Variants in CSMD1 observed in about 807,000 individuals in gnomAD.
CSMD1 encodes CUB and Sushi multiple domains 1.
CSMD1 carries 213 observed loss-of-function variants against 417.5 expected under a neutral mutation model. That is an observed-to-expected ratio of 0.51 (90% CI 0.46 to 0.57). CSMD1 has a LOEUF of 0.57. Ranked by LOEUF, CSMD1 falls within the 20% of genes least tolerant of loss-of-function variation. CSMD1 has a pLI of 0.00. For missense variants in CSMD1, 6,923 were observed against 4,529.7 expected (o/e 1.53, Z -15.17); for synonymous variants, 2,862 against 1,736.8 (o/e 1.65, Z -16.11).
intron 2 of CSMD1, among the ~76,000 whole-genome samples, chr8:4,636,818 C>T (rs1802838683): frequency 6.6e-6 from 1 of 152,136 alleles, no homozygotes; most frequent in South Asian, 2.1e-4. Flanking sequence ...GTGAAGCCAG[C>T]TGGACTTCTT....
chr8:3,030,965 T>C (rs1416611169), intron 50 of CSMD1, among the ~76,000 whole-genome samples: 1 of 152,032 alleles, frequency 6.6e-6, no homozygotes, highest in Non-Finnish European at 1.5e-5. Context: ...GAAGAAAAAT[T>C]GCTAATTTAA....
At chr8:4,044,759 C>CATGT (rs1433765123) in intron 3 of CSMD1, among the ~76,000 whole-genome samples, 4 of 150,030 alleles carry the variant, frequency 2.7e-5, no homozygotes, top group South Asian at 2.1e-4. Context: ...CCACCCTGGC[C>CATGT]ACATAGCACC....
chr8:3,623,338 T>C (rs968413573), intron 7 of CSMD1, among the ~76,000 whole-genome samples: 2 of 152,186 alleles, frequency 1.3e-5, no homozygotes, highest in African/African-American at 4.8e-5. Context: ...AAGTATCAAT[T>C]AAAACTCAAC....
In CSMD1 at chr8:4,068,266, G is replaced by T. The variant is rs1799361926; in HGVS notation, c.416-36167C>A. ...AACCCCTCAAAGGTTGCCCTCCTCG[G>T]AGAGTTGAGAAGTCTACTTTGTAGC... On this transcript the variant is annotated intron_variant, in intron 3 of 69. Coordinates refer to ENST00000635120, the MANE Select transcript of CSMD1 (RefSeq NM_033225.6). Among the ~76,000 whole-genome samples, 6 of 152,096 alleles carry T rather than the reference G, an allele frequency of 3.9e-5. 1 individual carries two copies. The highest frequency in any genetic ancestry group is 2.6e-4 in the Admixed American group (4 of 15,264).
chr8:4,140,540 C>A (rs538173242), intron 3 of CSMD1, among the ~76,000 whole-genome samples: 1 of 150,976 alleles, frequency 6.6e-6, no homozygotes, highest in Non-Finnish European at 1.5e-5. Context: ...TGGTGGTGTG[C>A]ACCTGTAGTC....
chr8:3,204,015 GATT>G (rs1455798048), intron 31 of CSMD1, among the ~76,000 whole-genome samples: 1 of 152,188 alleles, frequency 6.6e-6, no homozygotes, highest in Admixed American at 6.6e-5. Context: ...AATACTGTGA[GATT>G]AATTGTTTAG....
At chr8:3,333,597 G>A (rs560780420) in intron 23 of CSMD1, among the ~76,000 whole-genome samples, 4 of 152,180 alleles carry the variant, frequency 2.6e-5, no homozygotes, top group Non-Finnish European at 5.9e-5. Context: ...AGCATAATAT[G>A]TTTGCCATAA....
At chr8:3,257,814 G>T (rs1409524601) in intron 26 of CSMD1, among the ~76,000 whole-genome samples, 1 of 152,152 alleles carries the variant, frequency 6.6e-6, no homozygotes, top group Non-Finnish European at 1.5e-5. Flanking sequence ...GGTGGGTGGG[G>T]TGAGGGGAGA....
At chr8:4,126,820 G>C (rs565414348) in intron 3 of CSMD1, among the ~76,000 whole-genome samples, 28 of 152,268 alleles carry the variant, frequency 1.8e-4, no homozygotes, top group African/African-American at 6.0e-4. Flanking sequence ...CCTGGGGTAG[G>C]AGATGTCCAG....
chr8:4,028,434 C>A (rs190803682), intron 4 of CSMD1, among the ~76,000 whole-genome samples: 2 of 151,900 alleles, frequency 1.3e-5, no homozygotes, highest in African/African-American at 2.4e-5. Context: ...TAGCAGTCAT[C>A]GCCGTCATAT....
intron 10 of CSMD1, among the ~76,000 whole-genome samples, chr8:3,522,296 G>A (rs1010961007): frequency 2.6e-5 from 4 of 152,140 alleles, no homozygotes; most frequent in African/African-American, 7.2e-5. Flanking sequence ...TGGCAACTAC[G>A]AAGTAAGAAA....
chr8:3,471,227 T>C (rs953148817), intron 11 of CSMD1, among the ~76,000 whole-genome samples: 4 of 152,206 alleles, frequency 2.6e-5, no homozygotes, highest in African/African-American at 9.6e-5. Context: ...AACTAATGGG[T>C]AATGATGTAC....
chr8:3,439,507 C>G (rs35226133), intron 12 of CSMD1, among the ~76,000 whole-genome samples: 91,468 of 146,966 alleles, frequency 0.62, 28,294 homozygotes, highest in East Asian at 0.76. Flanking sequence ...GTGTGTGTGT[C>G]TGTGTGTGTG....
At chr8:3,172,830 A>G (rs981522452) in intron 37 of CSMD1, among the ~76,000 whole-genome samples, 14 of 152,322 alleles carry the variant, frequency 9.2e-5, no homozygotes, top group Middle Eastern at 3.4e-3. Context: ...CCTTTCCCAC[A>G]TGGGCAACAT....
intron 5 of CSMD1, among the ~76,000 whole-genome samples, chr8:3,976,323 C>A (rs147790491): frequency 1.3e-5 from 2 of 152,064 alleles, no homozygotes; most frequent in South Asian, 2.1e-4. Context: ...AGAGTCAATG[C>A]GTTTTTAATT....
chr8:3,507,435 T>G (rs1017863574), intron 10 of CSMD1, among the ~76,000 whole-genome samples: 2 of 152,204 alleles, frequency 1.3e-5, no homozygotes, highest in Admixed American at 1.3e-4. Flanking sequence ...TCCAAGTCTT[T>G]GCTATTGTGA....
chr8:3,494,708 G>C (rs1410427139), intron 10 of CSMD1, among the ~76,000 whole-genome samples: 2 of 129,990 alleles, frequency 1.5e-5, no homozygotes, highest in Non-Finnish European at 1.7e-5. Flanking sequence ...GAGAGAGAGA[G>C]AGATGTAACA....
At chr8:4,159,790 G>A (rs777252063) in intron 3 of CSMD1, among the ~76,000 whole-genome samples, 17 of 152,112 alleles carry the variant, frequency 1.1e-4, no homozygotes, top group Non-Finnish European at 1.8e-4. Context: ...GGGTTTCACC[G>A]TGTTAGCCAG....
intron 52 of CSMD1, among the ~76,000 whole-genome samples, chr8:3,013,025 T>C (rs1019689703): frequency 2.0e-5 from 3 of 152,162 alleles, no homozygotes; most frequent in African/African-American, 7.2e-5. Flanking sequence ...TTGCTTCTCC[T>C]TTACCTTCCA....
Sources: gnomAD v4.1 joint callset for allele counts (sites outside exome capture counted in the v4.1 genomes callset) on GRCh38, gnomAD v4.1.1 for gene constraint, MANE v1.5 for transcripts, NCBI Gene and HGNC (gene_info 2026-07-23, HGNC 2026-07-21) for gene names.